The following ABCC6 variants were observed in gnomAD, a reference collection of about 807,000 sequenced individuals.
ABCC6 encodes ATP binding cassette subfamily C member 6.
Under a neutral mutation model 169.5 loss-of-function variants are expected in ABCC6, and 126 were observed. The ratio of observed to expected loss-of-function variants is 0.74; its 90% CI spans 0.64 to 0.86. The LOEUF (loss-of-function observed/expected upper bound fraction) is 0.86. Ranked by LOEUF, ABCC6 falls within the 40% of genes least tolerant of loss-of-function variation. The pLI, the probability that ABCC6 is intolerant of heterozygous loss-of-function variation, is 0.00. For synonymous variants in ABCC6, 752 were observed against 814.7 expected, an observed-to-expected ratio of 0.92 and a Z score of 1.31; for missense variants, 1,733 against 1,927.2, an observed-to-expected ratio of 0.90 and a Z score of 1.89.
chr16:16,205,203 T>C (rs1219410286), intron 7 of ABCC6, among the ~76,000 whole-genome samples: 1 of 152,150 alleles, frequency 6.6e-6, no homozygotes, highest in Non-Finnish European at 1.5e-5. Flanking sequence ...ATCAGCTCTT[T>C]ACACGAAGGA....
At chr16:16,190,931 G>T (rs1364145904) in intron 11 of ABCC6, among the ~76,000 whole-genome samples, 1 of 130,826 alleles carries the variant, frequency 7.6e-6, no homozygotes, top group African/African-American at 2.8e-5. Context: ...GGGGCTGGGG[G>T]GTAGGGGGGT....
chr16:16,183,678 G>A (rs2047553686), intron 15 of ABCC6, among the ~76,000 whole-genome samples: 1 of 152,184 alleles, frequency 6.6e-6, no homozygotes, highest in African/African-American at 2.4e-5. Flanking sequence ...TCCCCCAGGA[G>A]TCATTTGGCA....
intron 5 of ABCC6, among the ~76,000 whole-genome samples, chr16:16,213,268 A>G (rs1355544750): frequency 6.6e-6 from 1 of 151,800 alleles, no homozygotes. Flanking sequence ...TATTTTTAAA[A>G]ACCTTTTTGT....
At chr16:16,152,556 T>C (rs1567462679) in intron 29 of ABCC6, among the ~76,000 whole-genome samples, 1 of 151,596 alleles carries the variant, frequency 6.6e-6, no homozygotes, top group East Asian at 1.9e-4. Flanking sequence ...CTAAAATGAG[T>C]ATTTACTCTT....
At position 16,158,455 on chromosome 16, in the gene ABCC6, A is replaced by C. The variant is rs79921786; in HGVS notation, c.3736-646T>G. Among the ~76,000 whole-genome samples, 1,335 of 151,564 alleles carry C rather than the reference A, an allele frequency of 8.8e-3. 43 individuals carry two copies. In the East Asian group the frequency reaches 0.12, roughly 13 times the overall value. ...CATCCATCCATGCATCCATCCATCC[A>C]TCTCCAATCCCATCCCTCCATCTCT... On this transcript the variant is annotated intron_variant, in intron 26 of 30. Transcript: ENST00000205557.
Position 16,150,050 on chromosome 16 carries a change from A to G in ABCC6, c.*83T>C. On this transcript the variant is annotated 3_prime_UTR_variant, in exon 31 of 31. Transcript: ENST00000205557. ...TCTAGACTCAATATCGTGTGGAGCT[A>G]TCGATGACCACGGGTCACTTCCATC... The G allele has an allele frequency of 1.3e-6, 2 of 1,572,446 alleles. No homozygotes were observed. Among genetic ancestry groups the G allele is most frequent in the South Asian group, 1.1e-5 (1 of 87,288 alleles).
chr16:16,156,065 G>A (rs903705052), intron 27 of ABCC6, among the ~76,000 whole-genome samples: 1 of 152,168 alleles, frequency 6.6e-6, no homozygotes, highest in African/African-American at 2.4e-5. Flanking sequence ...GCAGGTGCCT[G>A]TCACCATGCT....
chr16:16,218,104 A>C (rs2048947706), intron 4 of ABCC6, among the ~76,000 whole-genome samples: 1 of 151,800 alleles, frequency 6.6e-6, no homozygotes, highest in African/African-American at 2.4e-5. Context: ...GAACAAACAA[A>C]AAATAAAAAC....
At position 16,192,875 on chromosome 16, in the gene ABCC6, G is replaced by A. The variant is rs781181816; in HGVS notation, c.1386C>T (p.Leu462=). ...ALTAIAVFLS[L]LPLNFFISKK... ...TGGAGATGAAGAAATTCAGAGGGAGGAGGCTCAGGAAGACAGCGATGGCAG... is the reference window on the plus strand; with the variant it reads ...TGGAGATGAAGAAATTCAGAGGGAGAAGGCTCAGGAAGACAGCGATGGCAG... Residue 462 remains leucine, a synonymous_variant, in exon 11 of 31, where the codon CTC becomes CTT. Transcript: ENST00000205557. The A allele has an allele frequency of 2.5e-6, 4 of 1,614,164 alleles. No homozygotes were observed. The highest frequency in any genetic ancestry group is 3.3e-4 in the Middle Eastern group (2 of 6,058).
chr16:16,174,761 C>CG (rs1567492473), intron 20 of ABCC6, among the ~76,000 whole-genome samples: 1 of 110,670 alleles, frequency 9.0e-6, no homozygotes, highest in African/African-American at 3.1e-5. Flanking sequence ...TGTCTCAAAA[C>CG]CCCCCCCCGC....
chr16:16,197,764 C>G (rs902938616), intron 10 of ABCC6, among the ~76,000 whole-genome samples: 4 of 149,580 alleles, frequency 2.7e-5, no homozygotes, highest in Admixed American at 2.7e-4. Context: ...GGGGAGGAAG[C>G]CTTATGAGCT....
intron 10 of ABCC6, among the ~76,000 whole-genome samples, chr16:16,197,345 C>A (rs1021324515): frequency 2.0e-5 from 3 of 151,884 alleles, no homozygotes; most frequent in African/African-American, 7.3e-5. Flanking sequence ...TGAAGGTCAT[C>A]CTTATTGAGG....
intron 14 of ABCC6, 62 bp downstream of exon 14, chr16:16,187,062 G>A (rs2047673700): frequency 2.1e-6 from 3 of 1,436,122 alleles, no homozygotes; most frequent in Non-Finnish European, 2.9e-6. Flanking sequence ...GCCATTATGG[G>A]CTGGGGTGGC....
intron 29 of ABCC6, among the ~76,000 whole-genome samples, chr16:16,152,100 A>G (rs1373976017): frequency 7.0e-6 from 1 of 142,428 alleles, no homozygotes; most frequent in Non-Finnish European, 1.5e-5. Context: ...GCTGAGGCAG[A>G]AGAATGGTGT....
At chr16:16,173,723 C>G (rs1191649006) in intron 20 of ABCC6, among the ~76,000 whole-genome samples, 1 of 142,776 alleles carries the variant, frequency 7.0e-6, no homozygotes, top group East Asian at 2.1e-4. Flanking sequence ...GAGATGGGGT[C>G]TTGCTGCATT....
At chr16:16,166,483 G>A (rs2046877899) in intron 22 of ABCC6, among the ~76,000 whole-genome samples, 1 of 152,064 alleles carries the variant, frequency 6.6e-6, no homozygotes, top group South Asian at 2.1e-4. Flanking sequence ...ATATGAAGAT[G>A]GCGACACAGA....
rs543273935 is a variant in ABCC6 at position 16,150,023 on chromosome 16, G to T, written c.*110C>A. 55 of 1,499,354 alleles carry T rather than the reference G, an allele frequency of 3.7e-5. No homozygotes were observed. In the African/African-American group the frequency reaches 6.5e-4, roughly 18 times the overall value. 92.9% of individuals were successfully genotyped at this position (1,499,354 alleles called of 1,614,324 possible). A position where few individuals can be genotyped will look rare whatever the true frequency, so the allele number is the denominator to read the frequency against. On this transcript the variant is annotated 3_prime_UTR_variant, in exon 31 of 31. Transcript: ENST00000205557. ...ATTTTCCTCCCAGAGAGCAAACACA[G>T]GTCTAGACTCAATATCGTGTGGAGC...
At chr16:16,157,629 T>C (rs1567469022) in intron 27 of ABCC6, 34 bp downstream of exon 27, 1 of 1,613,788 alleles carries the variant, frequency 6.2e-7, no homozygotes, top group East Asian at 2.2e-5. Flanking sequence ...TGGCCTAAAC[T>C]CCATGAAGAA....
At chr16:16,155,348 A>G (rs1202467529) in intron 27 of ABCC6, 5 of 437,094 alleles carry the variant, frequency 1.1e-5, no homozygotes, top group Middle Eastern at 5.2e-4. Context: ...CCTTTTTTCT[A>G]CCCCATCCCA....
Sources: allele counts gnomAD v4.1 joint callset (sites outside exome capture counted in the v4.1 genomes callset), GRCh38; gene constraint gnomAD v4.1.1; transcripts MANE v1.5; gene names NCBI Gene and HGNC (gene_info 2026-07-23, HGNC 2026-07-21).